The following CTNNA3 variants were observed in gnomAD, a reference collection of about 807,000 sequenced individuals.
CTNNA3 encodes catenin alpha 3, also known as catenin alpha-3.
CTNNA3 carries 76 observed loss-of-function variants against 95.7 expected under a neutral mutation model. The ratio of observed to expected loss-of-function variants is 0.79; its 90% confidence interval spans 0.66 to 0.96. CTNNA3 has a LOEUF of 0.96. Among genes scored for constraint, CTNNA3 ranks in the 40% least tolerant of loss-of-function variants. The probability of loss-of-function intolerance (pLI) is 0.00; values close to 1 mark genes in which losing one functional copy is unlikely to be tolerated. For synonymous variants in CTNNA3, 431 were observed against 374.4 expected, an observed-to-expected ratio of 1.15 and a Z score of -1.74; for missense variants, 1,191 against 1,089.8, an observed-to-expected ratio of 1.09 and a Z score of -1.31.
chr10:66,102,904 C>G (rs755284081), intron 14 of CTNNA3, among the ~76,000 whole-genome samples: 3 of 152,096 alleles, frequency 2.0e-5, no homozygotes, highest in Admixed American at 1.3e-4. Flanking sequence ...CCCATGACTC[C>G]TATAAAGATC....
intron 5 of CTNNA3, among the ~76,000 whole-genome samples, chr10:67,250,982 A>G (rs1866085993): frequency 6.6e-6 from 1 of 152,224 alleles, no homozygotes. Flanking sequence ...TCTCTTCAGT[A>G]TGAAATCAAG....
intron 13 of CTNNA3, among the ~76,000 whole-genome samples, chr10:66,250,318 C>A (rs904701199): frequency 4.6e-5 from 7 of 151,834 alleles, no homozygotes; most frequent in Non-Finnish European, 1.0e-4. Context: ...TTAATGGGTA[C>A]AAAAAATAGA....
At position 67,317,519 on chromosome 10, in the gene CTNNA3, G is replaced by A. The variant is rs532189641; in HGVS notation, c.580-97649C>T. On this transcript the variant is annotated intron_variant, in intron 5 of 17. Coordinates refer to ENST00000433211, the MANE Select transcript of CTNNA3 (RefSeq NM_013266.4). ...TGGCTCACTGCAACCTCCGCCTTCC[G>A]GGTTCAAACGATTCTCCTGCCTCAG... Among the ~76,000 whole-genome samples the A allele has an allele frequency of 3.6e-3, 544 of 151,820 alleles. 5 individuals carry two copies. The highest frequency in any genetic ancestry group is 6.3e-3 in the Non-Finnish European group (428 of 67,920).
intron 15 of CTNNA3, among the ~76,000 whole-genome samples, chr10:66,029,286 T>G (rs1343947718): frequency 6.6e-6 from 1 of 151,960 alleles, no homozygotes; most frequent in African/African-American, 2.4e-5. Flanking sequence ...CCCGAAATGC[T>G]CCCCTGAAAT....
intron 5 of CTNNA3, among the ~76,000 whole-genome samples, chr10:67,392,219 A>G (rs1411566788): frequency 6.6e-6 from 1 of 152,194 alleles, no homozygotes; most frequent in Non-Finnish European, 1.5e-5. Context: ...GAAAAAAACA[A>G]ACAACCCCAT....
Position 67,166,226 on chromosome 10 carries a change from T to C in CTNNA3, c.1047+14091A>G, listed in dbSNP as rs1433522439. 2.0e-5 allele frequency among the ~76,000 whole-genome samples: 3 copies of C among 152,212 alleles called. No individual in the cohort carries two copies. In the East Asian group the frequency reaches 5.8e-4, roughly 29 times the overall value. On this transcript the variant is annotated intron_variant, in intron 7 of 17. Transcript: ENST00000433211. ...GATCATAACGCACATTTTAGAAATA[T>C]CAATTGTGGGTCACCTGAAAAAGTT...
chr10:67,033,339 C>T (rs1853848385), intron 7 of CTNNA3, among the ~76,000 whole-genome samples: 1 of 152,182 alleles, frequency 6.6e-6, no homozygotes, highest in African/African-American at 2.4e-5. Context: ...TTCCATCAAA[C>T]TGTGGCTCAT....
At chr10:67,127,018 C>T (rs1859752125) in intron 7 of CTNNA3, among the ~76,000 whole-genome samples, 1 of 152,288 alleles carries the variant, frequency 6.6e-6, no homozygotes, top group South Asian at 2.1e-4. Context: ...ACAGCTACAG[C>T]ATATATTTTC....
At chr10:66,684,591 A>T (rs914484403) in intron 9 of CTNNA3, among the ~76,000 whole-genome samples, 2 of 152,110 alleles carry the variant, frequency 1.3e-5, no homozygotes, top group Non-Finnish European at 2.9e-5. Context: ...CTGCTTTCTT[A>T]TAATGAAGGC....
At chr10:66,137,461 T>C (rs72795327) in intron 13 of CTNNA3, among the ~76,000 whole-genome samples, 6,407 of 152,154 alleles carry the variant, frequency 0.042, 163 homozygotes, top group African/African-American at 0.046. Context: ...ACCCAATGCA[T>C]GAATCTCAAT....
rs777458138 is a variant in CTNNA3, at chr10:66,775,542, C to T, written c.1048-18G>A. 32 of 1,557,260 alleles carry T rather than the reference C, an allele frequency of 2.1e-5. No homozygotes were observed. Among genetic ancestry groups the T allele is most frequent in the African/African-American group, 1.8e-4 (13 of 73,204 alleles). On this transcript the variant is annotated intron_variant, in intron 7 of 17. Transcript: ENST00000433211. ...TTTCCAGCCTGCAAAGAAGAAAAAA[C>T]GACATAAGCAATGGTATCAATTAAT...
chr10:67,055,539 G>T (rs1377976220), intron 7 of CTNNA3, among the ~76,000 whole-genome samples: 5 of 152,160 alleles, frequency 3.3e-5, no homozygotes, highest in Admixed American at 3.3e-4. Context: ...AATGCCATTT[G>T]CAGGCTAGAA....
chr10:67,674,703 A>C (rs1840504182), intron 1 of CTNNA3, among the ~76,000 whole-genome samples: 1 of 152,102 alleles, frequency 6.6e-6, no homozygotes, highest in African/African-American at 2.4e-5. Flanking sequence ...GTAAATGCTA[A>C]TCTCTTTTTA....
intron 5 of CTNNA3, among the ~76,000 whole-genome samples, chr10:67,281,523 A>T (rs928594122): frequency 8.5e-5 from 13 of 152,240 alleles, no homozygotes; most frequent in African/African-American, 2.9e-4. Context: ...CTGCTTCTCT[A>T]CTCAGACTAA....
chr10:66,992,686 G>T (rs1001985847), intron 7 of CTNNA3, among the ~76,000 whole-genome samples: 6 of 151,918 alleles, frequency 3.9e-5, no homozygotes, highest in Admixed American at 3.9e-4. Flanking sequence ...TTAACATTTT[G>T]TTGATCACAT....
chr10:67,709,357 T>C (rs1263612863), intron 1 of CTNNA3, among the ~76,000 whole-genome samples: 1 of 152,204 alleles, frequency 6.6e-6, no homozygotes, highest in Non-Finnish European at 1.5e-5. Flanking sequence ...TAGAAAATTA[T>C]AAGCAGAACA....
chr10:66,103,373 C>A, intron 13 of CTNNA3, 124 bp from the exon 14 acceptor site: 1 of 696,728 alleles, frequency 1.4e-6, no homozygotes, highest in South Asian at 1.6e-5. Context: ...ATTTCACTCC[C>A]AGTTATATAC....
intron 11 of CTNNA3, among the ~76,000 whole-genome samples, chr10:66,445,620 A>T (rs1335125704): frequency 6.6e-6 from 1 of 152,154 alleles, no homozygotes; most frequent in Non-Finnish European, 1.5e-5. Flanking sequence ...GTTCTTTGAA[A>T]CCAACGAGAA....
intron 9 of CTNNA3, among the ~76,000 whole-genome samples, chr10:66,685,347 ATATATT>A (rs1847249560): frequency 4.1e-5 from 2 of 48,572 alleles, no homozygotes; most frequent in Non-Finnish European, 6.8e-5. Flanking sequence ...ATATATATAT[ATATATT>A]TTTTTTTTTT....
Sources: allele counts gnomAD v4.1 joint callset (sites outside exome capture counted in the v4.1 genomes callset), GRCh38; gene constraint gnomAD v4.1.1; transcripts MANE v1.5; gene names NCBI Gene and HGNC (gene_info 2026-07-23, HGNC 2026-07-21).